The following MOK variants were observed in gnomAD, a reference collection of about 807,000 sequenced individuals.
The protein encoded by MOK is MAPK/MAK/MRK overlapping kinase.
In MOK, 59 loss-of-function variants were observed where a neutral mutation model predicts 54.2. The ratio of observed to expected loss-of-function variants is 1.09; its 90% confidence interval spans 0.88 to 1.35. The LOEUF (loss-of-function observed/expected upper bound fraction) is 1.35, where lower values mean the gene tolerates loss of function less well. Ranked by LOEUF, MOK falls within the 40% of genes most tolerant of loss-of-function variation. The pLI, the probability that MOK is intolerant of heterozygous loss-of-function variation, is 0.00. For missense variants in MOK, 517 were observed against 526.2 expected, an observed-to-expected ratio of 0.98 and a Z score of 0.17; for synonymous variants, 210 against 202.7, an observed-to-expected ratio of 1.04 and a Z score of -0.31.
chr14:102,284,881 A>C (rs1033037527), intron 1 of MOK, among the ~76,000 whole-genome samples: 21 of 152,156 alleles, frequency 1.4e-4, no homozygotes, highest in African/African-American at 4.8e-4. Flanking sequence ...CAGGAGTTCC[A>C]GACCAGCCTG....
chr14:102,270,431 C>G (rs1282901084), intron 2 of MOK, among the ~76,000 whole-genome samples: 1 of 152,224 alleles, frequency 6.6e-6, no homozygotes, highest in East Asian at 1.9e-4. Context: ...GAAACTCTGT[C>G]TCCACTAAAA....
chr14:102,304,641 TCA>T (rs1288251531), intron 1 of MOK, among the ~76,000 whole-genome samples: 49 of 152,084 alleles, frequency 3.2e-4, no homozygotes, highest in Non-Finnish European at 2.4e-4. Flanking sequence ...ATAAAATGAA[TCA>T]CAGTCAACTC....
chr14:102,235,008 A>G lies in MOK; in HGVS notation c.591-1219T>C, dbSNP rs575923621. On this transcript the variant is annotated intron_variant, in intron 7 of 11. Coordinates refer to ENST00000361847, the MANE Select transcript of MOK (RefSeq NM_014226.3). The surrounding 1 kb of genome is among the most constrained non-coding windows in gnomAD (Gnocchi z 4.4). ...CCAGCGGACGACTTCTCCTTCTTTG[A>G]TCCCACCGATTTCTCCCCTCCTCGA... 3 of 151,926 alleles carry G rather than the reference A, an allele frequency of 2.0e-5. No individual in the cohort carries two copies. The highest frequency in any genetic ancestry group is 2.0e-4 in the Admixed American group (3 of 15,254). 9.4% of individuals were successfully genotyped at this position (151,926 alleles called of 1,614,324 possible). A position where few individuals can be genotyped will look rare whatever the true frequency, so the allele number is the denominator to read the frequency against.
Position 102,284,565 on chromosome 14 carries a change from G to T in MOK, c.8-973C>A, listed in dbSNP as rs142971498. Among the ~76,000 whole-genome samples, 9 of 152,258 alleles carry T rather than the reference G, an allele frequency of 5.9e-5. No homozygotes were observed. The East Asian group carries it at 1.7e-3, about 29-fold the overall frequency. Reference sequence around the variant, plus strand: ...AATCTAGAGAGCAAAAGTCTCACCAGTTGTAAAAGTTTCTACAGCCCAAAT... The same window carrying T: ...AATCTAGAGAGCAAAAGTCTCACCATTTGTAAAAGTTTCTACAGCCCAAAT... On this transcript the variant is annotated intron_variant, in intron 1 of 11. Coordinates refer to ENST00000361847, the MANE Select transcript of MOK (RefSeq NM_014226.3).
intron 2 of MOK, among the ~76,000 whole-genome samples, chr14:102,278,407 G>A (rs1409866886): frequency 1.3e-5 from 2 of 150,930 alleles, no homozygotes; most frequent in African/African-American, 2.4e-5. Context: ...GGCTTTTAGA[G>A]AGACTAATAA....
At chr14:102,279,217 TAA>T (rs1048574819) in intron 2 of MOK, among the ~76,000 whole-genome samples, 2 of 152,154 alleles carry the variant, frequency 1.3e-5, no homozygotes, top group African/African-American at 2.4e-5. Context: ...GGATTTTTTT[TAA>T]GAGACTCACT....
chr14:102,291,746 C>T (rs1011855847), intron 1 of MOK, among the ~76,000 whole-genome samples: 4 of 151,894 alleles, frequency 2.6e-5, no homozygotes, highest in Non-Finnish European at 5.9e-5. Flanking sequence ...CACCTCAGAT[C>T]GGGAGTTTGA....
At chr14:102,220,758 C>A (rs1330088861), downstream of MOK, among the ~76,000 whole-genome samples, 1 of 151,466 alleles carries the variant, frequency 6.6e-6, no homozygotes, top group African/African-American at 2.4e-5. This position sits in a 1 kb window ranked among gnomAD's most constrained non-coding sequence, Gnocchi z 4.2. Context: ...AAATTAATGT[C>A]ACTTGTTTTT....
At chr14:102,264,784 G>A (rs2067764691) in intron 3 of MOK, 1 of 152,160 alleles carries the variant, frequency 6.6e-6, no homozygotes, top group Non-Finnish European at 1.5e-5. Context: ...ACTTTAACTG[G>A]CAGTGAAGTT....
intron 2 of MOK, among the ~76,000 whole-genome samples, chr14:102,276,437 C>T (rs1198011224): frequency 6.6e-6 from 1 of 150,944 alleles, no homozygotes; most frequent in Non-Finnish European, 1.5e-5. Context: ...TGCATTGAGC[C>T]GAGATAGCCA....
At position 102,305,062 on chromosome 14, in the gene MOK, G is replaced by A; in HGVS notation, c.-94C>T. ...TCCCCCTGCTTTCCACTTCCCTGAG[G>A]CGGGGTCCCGCACTAGGATCTCCGT... On this transcript the variant is annotated 5_prime_UTR_variant, in exon 1 of 12. Coordinates refer to ENST00000361847, the MANE Select transcript of MOK (RefSeq NM_014226.3). 1 of 1,440,976 alleles carries A rather than the reference G, an allele frequency of 6.9e-7. No homozygotes were observed. The highest frequency in any genetic ancestry group is 9.6e-7 in the Non-Finnish European group (1 of 1,043,778). The allele number at this position is 1,440,976 out of a possible 1,614,324, so 89.3% of individuals were successfully genotyped here.
chr14:102,242,395 A>T (rs1222638280), intron 7 of MOK, among the ~76,000 whole-genome samples: 1 of 152,104 alleles, frequency 6.6e-6, no homozygotes, highest in Non-Finnish European at 1.5e-5. Context: ...TAACTAAATT[A>T]TCTGCTTCCC....
downstream of MOK, chr14:102,226,494 T>A: frequency 2.9e-6 from 2 of 699,696 alleles, no homozygotes; most frequent in Non-Finnish European, 5.2e-6. The surrounding 1 kb of genome is among the most constrained non-coding windows in gnomAD (Gnocchi z 4.8). Context: ...GCTTTCCAGT[T>A]TGGGGTGGCA....
At chr14:102,272,948 G>C (rs1013898820) in intron 2 of MOK, among the ~76,000 whole-genome samples, 137 of 152,310 alleles carry the variant, frequency 9.0e-4, no homozygotes, top group African/African-American at 3.1e-3. Flanking sequence ...AAGGTGGGCA[G>C]ATCACAAAGT....
At position 102,240,253 on chromosome 14, in the gene MOK, A is replaced by C. The variant is rs998391991; in HGVS notation, c.591-6464T>G. 2.6e-5 allele frequency among the ~76,000 whole-genome samples: 4 copies of C among 152,140 alleles called. No individual in the cohort carries two copies. The highest frequency in any genetic ancestry group is 9.7e-5 in the African/African-American group (4 of 41,422). On this transcript the variant is annotated intron_variant, in intron 7 of 11. Coordinates refer to ENST00000361847, the MANE Select transcript of MOK (RefSeq NM_014226.3). The surrounding 1 kb of genome is among the most constrained non-coding windows in gnomAD (Gnocchi z 5.4). ...TTTCGGACTCAGCCCGCCTGCACCC[A>C]GGTGAAATAAACAGCCTTGTTGCTC...
In MOK at chr14:102,259,255, C is replaced by T. The variant is rs1289596198; in HGVS notation, c.283+4291G>A. The stretch of plus-strand genomic sequence containing the variant: ...TTCTTTAGTCTTTAATAGTGCTCCT[C>T]AATATTCTAATAACCTGAGAGCAGC... On this transcript the variant is annotated intron_variant, in intron 4 of 11. Transcript: ENST00000361847. Among the ~76,000 whole-genome samples the T allele has an allele frequency of 2.6e-5, 4 of 152,108 alleles. No individual in the cohort carries two copies. The East Asian group carries it at 7.7e-4, about 29-fold the overall frequency.
At chr14:102,244,741 T>C (rs2065963960) in intron 7 of MOK, among the ~76,000 whole-genome samples, 1 of 152,146 alleles carries the variant, frequency 6.6e-6, no homozygotes, top group Non-Finnish European at 1.5e-5. Flanking sequence ...TTCCCTTCTG[T>C]CAGACATAAT....
chr14:102,261,254 CA>C lies in MOK; in HGVS notation c.283+2291del, dbSNP rs71116891. Among the ~76,000 whole-genome samples, 436 of 86,780 alleles carry C rather than the reference CA, an allele frequency of 5.0e-3. 16 individuals are homozygous for C. Among genetic ancestry groups the C allele is most frequent in the African/African-American group, 0.014 (280 of 19,952 alleles). The allele number at this position is 86,780 out of a possible 152,430, so 56.9% of individuals were successfully genotyped here. A position where few individuals can be genotyped will look rare whatever the true frequency, so the allele number is the denominator to read the frequency against. ...TGGCAACAGAGCGAGACTCTGCCTA[CA>C]AAAAAAAAAAAAAATTAGCCAAGTG... is the stretch of plus-strand genomic sequence containing the variant. On this transcript the variant is annotated intron_variant, in intron 4 of 11. Coordinates refer to ENST00000361847, the MANE Select transcript of MOK (RefSeq NM_014226.3).
At position 102,304,939 on chromosome 14, in the gene MOK, C is replaced by A. The variant is rs768264742; in HGVS notation, c.7+23G>T. The A allele has an allele frequency of 6.5e-5, 104 of 1,602,102 alleles. No individual in the cohort carries two copies. In the Admixed American group the frequency reaches 1.7e-3, roughly 27 times the overall value. On this transcript the variant is annotated intron_variant, in intron 1 of 11. Transcript: ENST00000361847. ...CCCGCCACTCGCTCTCCAGTCCCTG[C>A]CCCTTTCCCCGGCCCCACTCACTCT...
Sources: allele counts gnomAD v4.1 joint callset (sites outside exome capture counted in the v4.1 genomes callset), GRCh38; gene constraint gnomAD v4.1.1; non-coding constraint Gnocchi (gnomAD v3.1); transcripts MANE v1.5; gene names NCBI Gene and HGNC (gene_info 2026-07-23, HGNC 2026-07-21).